Variants in THSD7B observed in about 807,000 individuals in gnomAD.
The protein encoded by THSD7B is thrombospondin type-1 domain-containing protein 7B.
A neutral mutation model predicts 213.6 loss-of-function variants in THSD7B; 138 were observed. The observed-to-expected ratio is 0.65, with a 90% CI of 0.56 to 0.74. THSD7B has a LOEUF of 0.74. Ranked by LOEUF, THSD7B falls within the 30% of genes least tolerant of loss-of-function variation. The pLI, the probability that THSD7B is intolerant of heterozygous loss-of-function variation, is 0.00. For missense variants in THSD7B, 1,931 were observed against 1,991.5 expected (o/e 0.97, Z 0.58); for synonymous variants, 742 against 687.0 (o/e 1.08, Z -1.25).
intron 12 of THSD7B, among the ~76,000 whole-genome samples, chr2:137,366,362 T>G (rs748120711): frequency 1.3e-5 from 2 of 151,812 alleles, no homozygotes; most frequent in Non-Finnish European, 2.9e-5. Flanking sequence ...GCAAGTTGTA[T>G]GCATGTACCC....
intron 25 of THSD7B, 107 bp from the exon 26 acceptor site, chr2:137,663,276 A>G (rs1683386531): frequency 2.1e-6 from 2 of 940,548 alleles, no homozygotes; most frequent in Non-Finnish European, 2.9e-6. Context: ...CAAACCCTAC[A>G]TTGCCATGAT....
rs560505726 is a variant in THSD7B, at chr2:136,845,508, A to G, written c.-35-36636A>G. 7.2e-5 allele frequency among the ~76,000 whole-genome samples: 11 copies of G among 152,274 alleles called. No individual in the cohort carries two copies. The South Asian group carries it at 2.3e-3, about 32-fold the overall frequency. ...AATAAGCTTTCTAACAAGATTTTGT[A>G]CCCTGGTTTGTTTATGTATTTATTT... On this transcript the variant is annotated intron_variant, in intron 1 of 27. Transcript: ENST00000409968.
intron 2 of THSD7B, among the ~76,000 whole-genome samples, chr2:136,912,786 A>G (rs553719239): frequency 6.6e-6 from 1 of 152,288 alleles, no homozygotes; most frequent in African/African-American, 2.4e-5. Flanking sequence ...ACCTCCTGCC[A>G]TGATTCTGAG....
At chr2:137,071,207 C>G (rs942849231) in intron 3 of THSD7B, among the ~76,000 whole-genome samples, 1 of 152,210 alleles carries the variant, frequency 6.6e-6, no homozygotes, top group African/African-American at 2.4e-5. Context: ...TGTTTCTCCA[C>G]ATCCTCTCTA....
intron 2 of THSD7B, among the ~76,000 whole-genome samples, chr2:137,029,500 A>G (rs188505253): frequency 1.6e-4 from 25 of 152,292 alleles, no homozygotes; most frequent in African/African-American, 3.8e-4. Context: ...TTAATAGTCT[A>G]TCTTAAAACA....
rs1682652863 is a variant in THSD7B, at chr2:136,826,827, A to C, written c.-35-55317A>C. On this transcript the variant is annotated intron_variant, in intron 1 of 27. Transcript: ENST00000409968. Reference sequence around the variant, plus strand: ...AACACTAGAAGATGTCTCCATCTCTATGTGACCAGTGATGGAGAAGGAGTG... The same window carrying C: ...AACACTAGAAGATGTCTCCATCTCTCTGTGACCAGTGATGGAGAAGGAGTG... Among the ~76,000 whole-genome samples, 3 of 152,230 alleles carry C rather than the reference A, an allele frequency of 2.0e-5. No homozygotes were observed. In the South Asian group the frequency reaches 6.2e-4, roughly 32 times the overall value.
intron 12 of THSD7B, among the ~76,000 whole-genome samples, chr2:137,313,297 A>T (rs2104865426): frequency 6.6e-6 from 1 of 152,094 alleles, no homozygotes; most frequent in Non-Finnish European, 1.5e-5. Context: ...TTGTTGGTTT[A>T]AAGTCTGTTT....
chr2:137,600,126 G>A (rs550490263), intron 17 of THSD7B, among the ~76,000 whole-genome samples: 12 of 152,170 alleles, frequency 7.9e-5, no homozygotes, highest in South Asian at 4.2e-4. Flanking sequence ...CACACAGAGA[G>A]GGAGAGAGAG....
intron 15 of THSD7B, among the ~76,000 whole-genome samples, chr2:137,475,842 G>A (rs1688180474): frequency 6.6e-6 from 1 of 152,136 alleles, no homozygotes; most frequent in Admixed American, 6.5e-5. Flanking sequence ...CCAGTAGTGA[G>A]AGTGCTGGGT....
In THSD7B at chr2:137,641,631, C is replaced by A. The variant is rs182624862; in HGVS notation, c.3800-857C>A. Among the ~76,000 whole-genome samples, 69 of 152,240 alleles carry A rather than the reference C, an allele frequency of 4.5e-4. 1 individual carries two copies. The highest frequency in any genetic ancestry group is 3.4e-3 in the Middle Eastern group (1 of 294). On this transcript the variant is annotated intron_variant, in intron 20 of 27. Coordinates refer to ENST00000409968, the MANE Select transcript of THSD7B (RefSeq NM_001316349.2). The stretch of plus-strand genomic sequence containing the variant: ...TACAAGAGAAAGAGAGAAGCACAAA[C>A]AAATAATGTAGGTTATTCCATCACT...
At chr2:137,534,016 GCGCA>G (rs143063699) in intron 15 of THSD7B, among the ~76,000 whole-genome samples, 25,537 of 135,846 alleles carry the variant, frequency 0.19, 2,192 homozygotes, top group South Asian at 0.31. Flanking sequence ...GTGTGTGTGC[GCGCA>G]CACACACACA....
chr2:137,087,893 T>A (rs1044834501), intron 3 of THSD7B, among the ~76,000 whole-genome samples: 5 of 152,132 alleles, frequency 3.3e-5, no homozygotes, highest in Non-Finnish European at 5.9e-5. Flanking sequence ...ATTACCTGAT[T>A]TCAAACTATA....
At chr2:137,539,932 T>C (rs1364617269) in intron 15 of THSD7B, among the ~76,000 whole-genome samples, 1 of 151,736 alleles carries the variant, frequency 6.6e-6, no homozygotes, top group Admixed American at 6.6e-5. Flanking sequence ...TTAGTATATA[T>C]TATTTTAATT....
At chr2:137,093,240 G>T (rs546759267) in intron 3 of THSD7B, among the ~76,000 whole-genome samples, 1 of 147,978 alleles carries the variant, frequency 6.8e-6, no homozygotes, top group Non-Finnish European at 1.5e-5. Context: ...AGCAGCTTTC[G>T]AAGAACCCTT....
chr2:137,007,531 G>A (rs1324047088), intron 2 of THSD7B, among the ~76,000 whole-genome samples: 1 of 152,162 alleles, frequency 6.6e-6, no homozygotes, highest in Admixed American at 6.5e-5. Context: ...CATGGAGAAA[G>A]TACAAGCTGA....
chr2:137,455,071 TATTC>T (rs1246513444), intron 15 of THSD7B, among the ~76,000 whole-genome samples: 4 of 152,190 alleles, frequency 2.6e-5, no homozygotes, highest in Admixed American at 6.5e-5. Context: ...TGCATATACT[TATTC>T]ATTCTCCTCC....
intron 1 of THSD7B, among the ~76,000 whole-genome samples, chr2:136,860,298 C>T (rs1683240390): frequency 1.3e-5 from 2 of 152,096 alleles, no homozygotes; most frequent in African/African-American, 4.8e-5. Context: ...TCCATTCTCA[C>T]ACTAACTTGT....
chr2:136,924,269 T>A (rs1684485622), intron 2 of THSD7B, among the ~76,000 whole-genome samples: 1 of 152,138 alleles, frequency 6.6e-6, no homozygotes, highest in African/African-American at 2.4e-5. Context: ...TTAGTAGAGA[T>A]GATGTTTCAC....
intron 1 of THSD7B, among the ~76,000 whole-genome samples, chr2:136,875,507 G>T (rs1337974154): frequency 2.0e-5 from 3 of 152,096 alleles, no homozygotes; most frequent in Non-Finnish European, 4.4e-5. Context: ...AGGAGTAAAA[G>T]TCCAAAATTG....
Sources: allele counts gnomAD v4.1 joint callset (sites outside exome capture counted in the v4.1 genomes callset), GRCh38; gene constraint gnomAD v4.1.1; transcripts MANE v1.5; gene names NCBI Gene and HGNC (gene_info 2026-07-23, HGNC 2026-07-21).